ITGA7: variants seen among roughly 807,000 people sequenced by gnomAD.
The protein encoded by ITGA7 is integrin alpha-7.
In ITGA7, 84 loss-of-function variants were observed where a neutral mutation model predicts 131.6. That is an observed-to-expected ratio of 0.64 (90% CI 0.54 to 0.77). The LOEUF (loss-of-function observed/expected upper bound fraction) is 0.77. Ranked by LOEUF, ITGA7 falls within the 30% of genes least tolerant of loss-of-function variation. The pLI is 0.00. For missense variants in ITGA7, 1,399 were observed against 1,482.9 expected (o/e 0.94, Z 0.93); for synonymous variants, 548 against 600.7 (o/e 0.91, Z 1.28).
rs181711509 is a variant in ITGA7, at chr12:55,694,505, G to A, written c.2295C>T (p.Ile765=). 6.2e-6 allele frequency: 10 copies of A among 1,614,202 alleles called. No homozygotes were observed. The African/African-American group carries it at 9.3e-5, about 15-fold the overall frequency. ...CAATGCTGATCCCGGAGGTGCTAAGGATGAGGTAGAAGGTGACCTAGGCCA... is the reference window on the plus strand; with the variant it reads ...CAATGCTGATCCCGGAGGTGCTAAGAATGAGGTAGAAGGTGACCTAGGCCA... ...KRGAQVTFYL[I]LSTSGISIET... is the part of the protein sequence containing the mutation. Residue 765 remains isoleucine, a synonymous_variant, in exon 17 of 25, where the codon ATC becomes ATT. Coordinates refer to ENST00000257879, the MANE Select transcript of ITGA7 (RefSeq NM_002206.3). This position sits in a 1 kb window ranked among gnomAD's most constrained non-coding sequence, Gnocchi z 5.3.
rs1223303930 is a variant in ITGA7 at position 55,702,906 on chromosome 12, C to G, written c.380G>C (p.Ser127Thr). 1.2e-6 allele frequency: 2 copies of G among 1,613,324 alleles called. No homozygotes were observed. The highest frequency in any genetic ancestry group is 1.7e-6 in the Non-Finnish European group (2 of 1,180,002). The change falls in exon 3 of 25, where the codon AGT becomes ACT. Residue 127 changes from serine to threonine, a missense_variant. By Grantham distance (58) the Ser-to-Thr change is moderately conservative. Coordinates refer to ENST00000257879, the MANE Select transcript of ITGA7 (RefSeq NM_002206.3). The part of the protein sequence containing the change: ...ESKENQWLGV[S>T]VRSQGPGGKI... ...GCCCCCAGGCCCCTGGCTCCGAACA[C>G]TGACTCCCAACCACTGGTTCTCCTT...
intron 21 of ITGA7, 117 bp downstream of exon 21, chr12:55,692,727 T>C (rs553210914): frequency 8.2e-6 from 11 of 1,348,980 alleles, no homozygotes; most frequent in African/African-American, 5.8e-5. Context: ...CTCCTATGAA[T>C]TGTGATGGGA....
At chr12:55,701,340 A>G in intron 3 of ITGA7, 186 bp from the exon 4 acceptor site, 1 of 1,557,844 alleles carries the variant, frequency 6.4e-7, no homozygotes, top group African/African-American at 1.4e-5. Flanking sequence ...CCAGTGTTAC[A>G]CAGGTCCATG....
intron 3 of ITGA7, 90 bp downstream of exon 3, chr12:55,702,782 C>A: frequency 8.9e-7 from 1 of 1,121,706 alleles, no homozygotes. Flanking sequence ...AACTTGTGTT[C>A]TCTAAGCACA....
intron 14 of ITGA7, 68 bp downstream of exon 14, chr12:55,695,454 G>T: frequency 9.0e-7 from 1 of 1,105,180 alleles, no homozygotes; most frequent in Non-Finnish European, 1.4e-6. Flanking sequence ...TGGTCCTCCT[G>T]AGAGGGCTTT....
Position 55,688,280 on chromosome 12 carries a change from G to T in ITGA7, c.2979C>A (p.Ser993=), listed in dbSNP as rs913523091. 3 of 1,613,792 alleles carry T rather than the reference G, an allele frequency of 1.9e-6. No homozygotes were observed. Among genetic ancestry groups the T allele is most frequent in the African/African-American group, 1.3e-5 (1 of 74,900 alleles). The change falls in exon 23 of 25, where the codon TCC becomes TCA. Residue 993 remains serine, a synonymous_variant. Coordinates refer to ENST00000257879, the MANE Select transcript of ITGA7 (RefSeq NM_002206.3). ...TGTTGGCCCGGACAATCACTTCCAG[G>T]GACTTCACAGCTGAGTACTCCTAAG... The part of the protein sequence containing the change: ...TFLEEYSAVK[S]LEVIVRANIT...
chr12:55,685,977 A>G (rs1870027373), intron 24 of ITGA7, among the ~76,000 whole-genome samples: 2 of 152,090 alleles, frequency 1.3e-5, no homozygotes, highest in Admixed American at 1.3e-4. Flanking sequence ...ACACTCCCAC[A>G]TGCTCACACC....
At position 55,688,061 on chromosome 12, in the gene ITGA7, C is replaced by A; in HGVS notation, c.3093G>T (p.Val1031=). 6.2e-7 allele frequency: 1 copy of A among 1,614,158 alleles called. No individual in the cohort carries two copies. Among genetic ancestry groups the A allele is most frequent in the Non-Finnish European group, 8.5e-7 (1 of 1,180,032 alleles). ...PVMVYLDPMA[V]VAEGVPWWVI... ...CCCACCAGGGCACTCCTTCTGCCAC[C>A]ACAGCCATGGGGTCCAAGTATACCA... is the stretch of plus-strand genomic sequence containing the variant. The change falls in exon 24 of 25, where the codon GTG becomes GTT. Residue 1031 remains valine, a synonymous_variant. Coordinates refer to ENST00000257879, the MANE Select transcript of ITGA7 (RefSeq NM_002206.3).
chr12:55,696,465 C>A, intron 12 of ITGA7, 33 bp from the exon 13 acceptor site: 2 of 1,580,152 alleles, frequency 1.3e-6, no homozygotes, highest in East Asian at 2.3e-5. Context: ...CTCACTGGAA[C>A]AATCCCCAGG....
intron 1 of ITGA7, 97 bp downstream of exon 1, chr12:55,707,380 G>T: frequency 1.0e-6 from 1 of 995,360 alleles, no homozygotes. Context: ...AGGTCTTGGT[G>T]GGGCTAGAAA....
upstream of ITGA7, among the ~76,000 whole-genome samples, chr12:55,708,198 A>G (rs1480388287): frequency 6.6e-6 from 1 of 152,096 alleles, no homozygotes; most frequent in Non-Finnish European, 1.5e-5. Flanking sequence ...ACAGATAGAA[A>G]GAGAGGGGCT....
chr12:55,694,861 C>T lies in ITGA7; in HGVS notation c.2113G>A (p.Gly705Arg), dbSNP rs1319234030. The change falls in exon 15 of 25, where the codon GGG (glycine) becomes AGG (arginine). Residue 705 changes from glycine to arginine, a missense_variant. Coordinates refer to ENST00000257879, the MANE Select transcript of ITGA7 (RefSeq NM_002206.3). This position sits in a 1 kb window ranked among gnomAD's most constrained non-coding sequence, Gnocchi z 5.3. ...PSDPAQPQAD[G>R]DDAHEAQLLV... ...AGCTGGGCTTCATGGGCATCATCCC[C>T]ATCAGCCTGGGGCTGGGCTGGGTCC... 7 of 1,614,022 alleles carry T rather than the reference C, an allele frequency of 4.3e-6. No homozygotes were observed. The highest frequency in any genetic ancestry group is 1.3e-5 in the African/African-American group (1 of 74,898).
intron 3 of ITGA7, among the ~76,000 whole-genome samples, chr12:55,701,640 G>C (rs918579690): frequency 1.3e-5 from 2 of 151,722 alleles, no homozygotes; most frequent in African/African-American, 4.9e-5. Context: ...GAGTGCAGTG[G>C]CACAATCATG....
At position 55,694,631 on chromosome 12, in the gene ITGA7, A is replaced by C. The variant is rs1196582441; in HGVS notation, c.2261T>G (p.Met754Arg). ...SHVECELGNPMKRGAQVTFYL... is the reference protein window; with the variant it reads ...SHVECELGNPRKRGAQVTFYL... ...TGTGCCAACCTGGGCACCTCTCTTC[A>C]TGGGGTTCCCCAGCTCACACTCAAC... The change falls in exon 16 of 25, where the codon ATG (methionine) becomes AGG (arginine). Residue 754 changes from methionine (M) to arginine (R), a missense_variant. Coordinates refer to ENST00000257879, the MANE Select transcript of ITGA7 (RefSeq NM_002206.3). This position sits in a 1 kb window ranked among gnomAD's most constrained non-coding sequence, Gnocchi z 5.3. The C allele has an allele frequency of 1.9e-6, 3 of 1,614,094 alleles. No homozygotes were observed. Among genetic ancestry groups the C allele is most frequent in the African/African-American group, 2.7e-5 (2 of 75,010 alleles).
chr12:55,715,746 G>A (rs1335999003), upstream of ITGA7, among the ~76,000 whole-genome samples: 3 of 152,150 alleles, frequency 2.0e-5, no homozygotes, highest in African/African-American at 7.2e-5. Flanking sequence ...ACTGCCAGGA[G>A]GTGAGGAGAG....
chr12:55,687,488 T>A (rs555918221), intron 24 of ITGA7, among the ~76,000 whole-genome samples: 283 of 13,810 alleles, frequency 0.02, 1 homozygote, highest in African/African-American at 0.048. Context: ...CATGCCCGGC[T>A]TTTTTTTTTT....
rs142060614 is a variant in ITGA7 at position 55,707,637 on chromosome 12, A to C, written c.46T>G (p.Cys16Gly). 1,941 of 1,604,662 alleles carry C rather than the reference A, an allele frequency of 1.2e-3. 21 individuals carry two copies. In the African/African-American group the frequency reaches 0.022, roughly 18 times the overall value. ...SRDPWGASGICYLFGSLLVEL... is the reference protein window; with the variant it reads ...SRDPWGASGIGYLFGSLLVEL... ...ACGAGCAGGGAGCCAAAAAGGTAGCAAATCCCGGAGGCCCCCCAAGGGTCG... is the reference window on the plus strand; with the variant it reads ...ACGAGCAGGGAGCCAAAAAGGTAGCCAATCCCGGAGGCCCCCCAAGGGTCG... Residue 16 changes from cysteine (C) to glycine (G), a missense_variant, in exon 1 of 25, where the codon TGC (cysteine) becomes GGC (glycine). Cys to Gly is a radical substitution (Grantham distance 159). Coordinates refer to ENST00000257879, the MANE Select transcript of ITGA7 (RefSeq NM_002206.3).
chr12:55,696,979 G>C lies in ITGA7; in HGVS notation c.1657C>G (p.Pro553Ala), dbSNP rs1164914236. 2 of 1,614,022 alleles carry C rather than the reference G, an allele frequency of 1.2e-6. No homozygotes were observed. The highest frequency in any genetic ancestry group is 2.7e-5 in the African/African-American group (2 of 74,920). ...ACGGTGCCCGAGGCCTGGTGCTTGG[G>C]TTCTTCCAGGTTACGGCTCAGGAAC... ...VTFLSRNLEE[P>A]KHQASGTVWL... is the part of the protein sequence containing the mutation. The change falls in exon 12 of 25, where the codon CCC (proline) becomes GCC (alanine). Residue 553 changes from proline (P) to alanine (A), a missense_variant. Physicochemically the swap from Pro to Ala is conservative, Grantham distance 27. Transcript: ENST00000257879.
At position 55,703,171 on chromosome 12, in the gene ITGA7, C is replaced by T. The variant is rs766173576; in HGVS notation, c.214G>A (p.Val72Met). 1.2e-6 allele frequency: 2 copies of T among 1,610,088 alleles called. No individual in the cohort carries two copies. The highest frequency in any genetic ancestry group is 1.7e-5 in the Admixed American group (1 of 60,018). Reference sequence around the variant, plus strand: ...AGAGCCAGGGCCTGGGGAGCACCCACCAGCAGCCTGCAAGATGGGGCAGGG... The same window carrying T: ...AGAGCCAGGGCCTGGGGAGCACCCATCAGCAGCCTGCAAGATGGGGCAGGG... ...LQPRPQSWLL[V>M]GAPQALALPG... Residue 72 changes from valine to methionine, a missense_variant, in exon 2 of 25, where the codon GTG becomes ATG. Coordinates refer to ENST00000257879, the MANE Select transcript of ITGA7 (RefSeq NM_002206.3).
Sources: allele counts gnomAD v4.1 joint callset (sites outside exome capture counted in the v4.1 genomes callset), GRCh38; gene constraint gnomAD v4.1.1; non-coding constraint Gnocchi (gnomAD v3.1); transcripts MANE v1.5; gene names NCBI Gene and HGNC (gene_info 2026-07-23, HGNC 2026-07-21).